Variants in NCKAP1 observed in about 807,000 individuals in gnomAD.
The protein encoded by NCKAP1 is NCK associated protein 1, also known as nck-associated protein 1.
In NCKAP1, 21 loss-of-function variants were observed where a neutral mutation model predicts 151.2. The observed-to-expected ratio is 0.14, with a 90% CI of 0.10 to 0.20. The LOEUF is 0.20. Ranked by LOEUF, NCKAP1 falls within the 10% of genes least tolerant of loss-of-function variation. The probability of loss-of-function intolerance (pLI) is 1.00; values close to 1 mark genes in which losing one functional copy is unlikely to be tolerated. For synonymous variants in NCKAP1, 484 were observed against 451.8 expected, an observed-to-expected ratio of 1.07 and a Z score of -0.90; for missense variants, 933 against 1,352.1, an observed-to-expected ratio of 0.69 and a Z score of 4.86.
intron 2 of NCKAP1, among the ~76,000 whole-genome samples, chr2:183,023,406 C>G (rs1306666167): frequency 6.6e-6 from 1 of 152,026 alleles, no homozygotes; most frequent in African/African-American, 2.4e-5. Flanking sequence ...CATTTTAAAA[C>G]TAAATACAGC....
intron 1 of NCKAP1, among the ~76,000 whole-genome samples, chr2:183,028,692 CTGTT>C (rs1188642865): frequency 7.9e-5 from 12 of 152,132 alleles, no homozygotes; most frequent in Non-Finnish European, 2.9e-5. Flanking sequence ...TACACATAAA[CTGTT>C]TATTTAGGTG....
rs1413423751 is a variant in NCKAP1 at position 182,919,676 on chromosome 2, G to A, written c.*6026C>T. The A allele has an allele frequency of 2.7e-5, 4 of 148,544 alleles. No individual in the cohort carries two copies. Among genetic ancestry groups the A allele is most frequent in the African/African-American group, 9.9e-5 (4 of 40,212 alleles). The allele number at this position is 148,544 out of a possible 1,614,324, so 9.2% of individuals were successfully genotyped here. On this transcript the variant is annotated 3_prime_UTR_variant, in exon 31 of 31. Coordinates refer to ENST00000361354, the MANE Select transcript of NCKAP1 (RefSeq NM_013436.5). ...TATAATTTTTTTTTTTTTTGAGACA[G>A]AGTCTTGTTCTGTTGCCCAGGCTGG...
At chr2:182,990,920 A>C (rs1698156273) in intron 8 of NCKAP1, among the ~76,000 whole-genome samples, 1 of 152,188 alleles carries the variant, frequency 6.6e-6, no homozygotes, top group African/African-American at 2.4e-5. Context: ...TTTTTCATAC[A>C]ACAGGGCCCC....
intron 16 of NCKAP1, 124 bp from the exon 17 acceptor site, chr2:182,964,932 A>AT (rs1697533403): frequency 3.2e-6 from 2 of 632,592 alleles, no homozygotes; most frequent in East Asian, 3.2e-5. Flanking sequence ...TAAGAAGAGA[A>AT]TATTTTTCCC....
intron 2 of NCKAP1, among the ~76,000 whole-genome samples, chr2:183,011,484 CTTT>C (rs1698589012): frequency 1.3e-5 from 2 of 152,202 alleles, no homozygotes; most frequent in South Asian, 4.1e-4. Context: ...GATTTGCTCT[CTTT>C]ATCAATAAGC....
At chr2:182,949,343 A>C (rs1697168545) in intron 23 of NCKAP1, among the ~76,000 whole-genome samples, 1 of 152,160 alleles carries the variant, frequency 6.6e-6, no homozygotes, top group South Asian at 2.1e-4. Flanking sequence ...CTGAGTTCAA[A>C]TTTCAGTTTC....
intron 2 of NCKAP1, among the ~76,000 whole-genome samples, chr2:183,014,357 G>A (rs1240639825): frequency 6.6e-6 from 1 of 152,130 alleles, no homozygotes; most frequent in African/African-American, 2.4e-5. Flanking sequence ...CCTAGTGAAA[G>A]AACATGGGAA....
intron 8 of NCKAP1, among the ~76,000 whole-genome samples, chr2:182,991,346 T>A (rs1698167561): frequency 6.6e-6 from 1 of 152,116 alleles, no homozygotes; most frequent in Non-Finnish European, 1.5e-5. Context: ...TCACTTGAGG[T>A]CAGGAGTTTG....
At chr2:182,936,529 A>C (rs1382962828) in intron 24 of NCKAP1, among the ~76,000 whole-genome samples, 2 of 152,210 alleles carry the variant, frequency 1.3e-5, no homozygotes, top group Non-Finnish European at 2.9e-5. Context: ...TACATAACAA[A>C]TTTCTGGAAA....
intron 2 of NCKAP1, among the ~76,000 whole-genome samples, chr2:183,005,817 T>C (rs72888431): frequency 0.027 from 4,041 of 152,308 alleles, 80 homozygotes; most frequent in Non-Finnish European, 0.04. Flanking sequence ...GCTTTCTTAC[T>C]GTTCCTCTAC....
At chr2:183,028,185 C>T (rs1343530017) in intron 1 of NCKAP1, among the ~76,000 whole-genome samples, 1 of 150,940 alleles carries the variant, frequency 6.6e-6, no homozygotes. Flanking sequence ...TATAGCCCTA[C>T]CAAAAAAAAA....
intron 15 of NCKAP1, among the ~76,000 whole-genome samples, chr2:182,970,701 G>A (rs1454265740): frequency 6.6e-6 from 1 of 152,100 alleles, no homozygotes; most frequent in African/African-American, 2.4e-5. Context: ...CTGAGATTTG[G>A]AACAATACAA....
rs187565188 is a variant in NCKAP1 at position 182,917,865 on chromosome 2, G to A, written c.*7837C>T. The A allele has an allele frequency of 1.2e-3, 189 of 152,276 alleles. 2 individuals are homozygous for A. The highest frequency in any genetic ancestry group is 4.4e-3 in the African/African-American group (183 of 41,550). 9.4% of individuals were successfully genotyped at this position (152,276 alleles called of 1,614,324 possible). A position where few individuals can be genotyped will look rare whatever the true frequency, so the allele number is the denominator to read the frequency against. ...TAGGAAAGAAATCTGATTTACTAGAGATTAATCTGAGCAGGATCAGAGAGA... is the reference window on the plus strand; with the variant it reads ...TAGGAAAGAAATCTGATTTACTAGAAATTAATCTGAGCAGGATCAGAGAGA... On this transcript the variant is annotated 3_prime_UTR_variant, in exon 31 of 31. Coordinates refer to ENST00000361354, the MANE Select transcript of NCKAP1 (RefSeq NM_013436.5).
chr2:183,014,874 A>G (rs969724942), intron 2 of NCKAP1, among the ~76,000 whole-genome samples: 1 of 152,244 alleles, frequency 6.6e-6, no homozygotes, highest in Non-Finnish European at 1.5e-5. Flanking sequence ...TTAGGTAGTG[A>G]TAATGTCCTC....
Position 183,008,219 on chromosome 2 carries a change from C to A in NCKAP1, c.220-4894G>T, listed in dbSNP as rs186846686. 1.9e-3 allele frequency among the ~76,000 whole-genome samples: 289 copies of A among 152,268 alleles called. 1 individual carries two copies. The highest frequency in any genetic ancestry group is 6.8e-3 in the African/African-American group (282 of 41,564). ...CTGGGATAACAGGCATGAGCCACCACGCCCAGCCACAGTGAACATTTTAAA... is the reference window on the plus strand; with the variant it reads ...CTGGGATAACAGGCATGAGCCACCAAGCCCAGCCACAGTGAACATTTTAAA... On this transcript the variant is annotated intron_variant, in intron 2 of 30. Coordinates refer to ENST00000361354, the MANE Select transcript of NCKAP1 (RefSeq NM_013436.5).
intron 6 of NCKAP1, among the ~76,000 whole-genome samples, chr2:183,000,132 C>T (rs1698349686): frequency 6.6e-6 from 1 of 152,046 alleles, no homozygotes; most frequent in Non-Finnish European, 1.5e-5. Context: ...AAAGTGTACC[C>T]CATGAATCTA....
At position 183,007,555 on chromosome 2, in the gene NCKAP1, T is replaced by C. The variant is rs372665096; in HGVS notation, c.220-4230A>G. Among the ~76,000 whole-genome samples, 10 of 152,112 alleles carry C rather than the reference T, an allele frequency of 6.6e-5. No homozygotes were observed. The East Asian group carries it at 1.7e-3, about 26-fold the overall frequency. ...CTAAACCACTGAATACAAAGGAACG[T>C]GGGTAGTTTTTATTCACTCATTTCA... On this transcript the variant is annotated intron_variant, in intron 2 of 30. Coordinates refer to ENST00000361354, the MANE Select transcript of NCKAP1 (RefSeq NM_013436.5).
chr2:183,023,109 AGAG>A (rs1698826255), intron 2 of NCKAP1: 1 of 151,498 alleles, frequency 6.6e-6, no homozygotes, highest in East Asian at 1.9e-4. Flanking sequence ...AAAAATAAAA[AGAG>A]AAGACAGGCA....
intron 15 of NCKAP1, among the ~76,000 whole-genome samples, chr2:182,968,788 C>T (rs1379868590): frequency 6.6e-6 from 1 of 152,164 alleles, no homozygotes; most frequent in Non-Finnish European, 1.5e-5. Context: ...ATCTTCTTGC[C>T]AGCATCCATG....
Sources: gnomAD v4.1 joint callset for allele counts (sites outside exome capture counted in the v4.1 genomes callset) on GRCh38, gnomAD v4.1.1 for gene constraint, MANE v1.5 for transcripts, NCBI Gene and HGNC (gene_info 2026-07-23, HGNC 2026-07-21) for gene names.